The following REG4 variants were observed in gnomAD, a reference collection of about 807,000 sequenced individuals.
REG4 encodes the protein regenerating family member 4.
Under a neutral mutation model 22.3 loss-of-function variants are expected in REG4, and 16 were observed. The ratio of observed to expected loss-of-function variants is 0.72; its 90% confidence interval spans 0.49 to 1.09. The LOEUF is 1.09. Ranked by LOEUF, REG4 falls within the 50% of genes least tolerant of loss-of-function variation. REG4 has a pLI of 0.00. For missense variants in REG4, 214 were observed against 193.9 expected, an observed-to-expected ratio of 1.10 and a Z score of -0.61; for synonymous variants, 71 against 69.2, an observed-to-expected ratio of 1.03 and a Z score of -0.13.
At chr1:119,804,864 T>A (rs1426528932) in intron 2 of REG4, among the ~76,000 whole-genome samples, 1 of 152,130 alleles carries the variant, frequency 6.6e-6, no homozygotes, top group Non-Finnish European at 1.5e-5. Context: ...CACTTTTCTA[T>A]CTCTCTCCCC....
rs768524026 is a variant in REG4, at chr1:119,794,580, G to A, written c.*38C>T. ...CCAGGCTAGCAGAAAGGAAGAGGAC[G>A]GGGCTGTGCAGGAGTTAGCAGAATC... On this transcript the variant is annotated 3_prime_UTR_variant, in exon 6 of 6. Coordinates refer to ENST00000256585, the MANE Select transcript of REG4 (RefSeq NM_032044.4). The A allele has an allele frequency of 8.5e-6, 13 of 1,534,280 alleles. No homozygotes were observed. The highest frequency in any genetic ancestry group is 1.4e-5 in the African/African-American group (1 of 70,400).
intron 1 of REG4, among the ~76,000 whole-genome samples, chr1:119,809,580 A>G (rs1654434196): frequency 6.6e-6 from 1 of 152,228 alleles, no homozygotes; most frequent in African/African-American, 2.4e-5. Context: ...ACAATTTTAT[A>G]AAAATAAGAT....
At chr1:119,806,024 C>G (rs1330757645) in intron 2 of REG4, among the ~76,000 whole-genome samples, 1 of 152,174 alleles carries the variant, frequency 6.6e-6, no homozygotes, top group Admixed American at 6.5e-5. Context: ...CTCGACTTCC[C>G]GGGCTCAGGT....
chr1:119,794,316 A>G lies in REG4; in HGVS notation c.*302T>C, dbSNP rs1653863451. The G allele has an allele frequency of 1.7e-6, 1 of 602,776 alleles. No individual in the cohort carries two copies. 37.3% of individuals were successfully genotyped at this position (602,776 alleles called of 1,614,324 possible). On this transcript the variant is annotated 3_prime_UTR_variant, in exon 6 of 6. Transcript: ENST00000256585. ...AAATCTTTACTTCTTATGGCCAAAG[A>G]CCCAGCTGTTTCATAGGCTGGAGAT...
intron 1 of REG4, among the ~76,000 whole-genome samples, chr1:119,810,584 C>A: frequency 6.6e-6 from 1 of 152,158 alleles, no homozygotes; most frequent in East Asian, 1.9e-4. Flanking sequence ...CTAAACTTTC[C>A]TTCCAAAAGT....
intron 2 of REG4, among the ~76,000 whole-genome samples, chr1:119,805,054 C>A (rs1476413286): frequency 1.3e-5 from 2 of 152,188 alleles, no homozygotes; most frequent in African/African-American, 4.8e-5. Context: ...ATCCAGTTCT[C>A]TATGATTTAA....
At chr1:119,803,429 G>T (rs768705187) in intron 2 of REG4, among the ~76,000 whole-genome samples, 1 of 152,094 alleles carries the variant, frequency 6.6e-6, no homozygotes, top group Admixed American at 6.5e-5. Context: ...ACGTCACTGC[G>T]GTCCACCAGT....
chr1:119,802,150 C>T (rs1654129550), intron 3 of REG4: 1 of 177,750 alleles, frequency 5.6e-6, no homozygotes, highest in South Asian at 1.9e-4. Context: ...CTCTGTTTCT[C>T]TCCCCTTTTT....
intron 2 of REG4, among the ~76,000 whole-genome samples, chr1:119,806,139 G>T (rs745878905): frequency 1.3e-5 from 2 of 151,910 alleles, no homozygotes; most frequent in South Asian, 4.2e-4. Context: ...ACAGAGTTTC[G>T]CCACATTGCC....
Position 119,798,255 on chromosome 1 carries a change from G to T in REG4, c.409+242C>A, listed in dbSNP as rs771624468. Among the ~76,000 whole-genome samples, 16 of 152,196 alleles carry T rather than the reference G, an allele frequency of 1.1e-4. 1 individual carries two copies. The highest frequency in any genetic ancestry group is 2.2e-4 in the Non-Finnish European group (15 of 68,036). ...CAGAAAAAAAATGAATGGATTTAAA[G>T]AAAATATTGAGTAAATAACAGAACA... On this transcript the variant is annotated intron_variant, in intron 5 of 5. Coordinates refer to ENST00000256585, the MANE Select transcript of REG4 (RefSeq NM_032044.4).
At chr1:119,804,931 G>A (rs1414972438) in intron 2 of REG4, among the ~76,000 whole-genome samples, 4 of 152,050 alleles carry the variant, frequency 2.6e-5, no homozygotes, top group Non-Finnish European at 5.9e-5. Flanking sequence ...CACCATGTTA[G>A]GTGTTTTATC....
intron 5 of REG4, among the ~76,000 whole-genome samples, chr1:119,794,924 G>C (rs979950215): frequency 6.6e-6 from 1 of 152,160 alleles, no homozygotes; most frequent in Non-Finnish European, 1.5e-5. Flanking sequence ...TCATGTGTGT[G>C]GGCCTCCTCC....
intron 5 of REG4, among the ~76,000 whole-genome samples, chr1:119,795,000 C>A (rs1039925143): frequency 6.6e-6 from 1 of 152,138 alleles, no homozygotes; most frequent in African/African-American, 2.4e-5. Context: ...GCCTCCAGAC[C>A]GTCTTTGGAC....
intron 4 of REG4, 81 bp from the exon 5 acceptor site, chr1:119,798,683 A>G: frequency 1.0e-6 from 1 of 984,254 alleles, no homozygotes; most frequent in South Asian, 1.6e-5. Flanking sequence ...GTCCCCTTTA[A>G]AACATGGTTT....
At chr1:119,810,221 T>TA (rs1218695196) in intron 1 of REG4, among the ~76,000 whole-genome samples, 1 of 152,210 alleles carries the variant, frequency 6.6e-6, no homozygotes, top group Non-Finnish European at 1.5e-5. Flanking sequence ...CACATAAGGT[T>TA]AAAATATTTA....
intron 1 of REG4, among the ~76,000 whole-genome samples, chr1:119,811,107 A>G (rs1217562327): frequency 1.3e-5 from 2 of 152,174 alleles, no homozygotes; most frequent in East Asian, 3.9e-4. Context: ...TGCACTGTAG[A>G]TCTCATGAAT....
chr1:119,799,196 C>T (rs1056873722), intron 4 of REG4, among the ~76,000 whole-genome samples: 3 of 151,972 alleles, frequency 2.0e-5, no homozygotes, highest in Non-Finnish European at 4.4e-5. Flanking sequence ...CACACCTAGA[C>T]CTCATCAACC....
chr1:119,807,700 A>G (rs1044987028), intron 2 of REG4, among the ~76,000 whole-genome samples: 1 of 152,178 alleles, frequency 6.6e-6, no homozygotes, highest in Non-Finnish European at 1.5e-5. Context: ...AGTTCAGTGA[A>G]CTGGTGTAGG....
chr1:119,794,472 T>C lies in REG4; in HGVS notation c.*146A>G. 1 of 751,996 alleles carries C rather than the reference T, an allele frequency of 1.3e-6. No individual in the cohort carries two copies. The allele number at this position is 751,996 out of a possible 1,614,324, so 46.6% of individuals were successfully genotyped here. A position where few individuals can be genotyped will look rare whatever the true frequency, so the allele number is the denominator to read the frequency against. On this transcript the variant is annotated 3_prime_UTR_variant, in exon 6 of 6. Transcript: ENST00000256585. ...GGGCCAATGCTAAAGTTTCTGTCTC[T>C]AAGCCTAAAAAAGCCAGTGTAGTAG...
Sources: gnomAD v4.1 joint callset for allele counts (sites outside exome capture counted in the v4.1 genomes callset) on GRCh38, gnomAD v4.1.1 for gene constraint, MANE v1.5 for transcripts, NCBI Gene and HGNC (gene_info 2026-07-23, HGNC 2026-07-21) for gene names.